Variants in CLASP1 observed in about 807,000 individuals in gnomAD.
CLASP1 encodes CLIP-associating protein 1.
CLASP1 carries 38 observed loss-of-function variants against 192.3 expected under a neutral mutation model. The ratio of observed to expected loss-of-function variants is 0.20; its 90% CI spans 0.15 to 0.26. The LOEUF (loss-of-function observed/expected upper bound fraction) is 0.26, where lower values mean the gene tolerates loss of function less well. Ranked by LOEUF, CLASP1 falls within the 10% of genes least tolerant of loss-of-function variation. The pLI is 1.00. For missense variants in CLASP1, 1,433 were observed against 1,932.5 expected, an observed-to-expected ratio of 0.74 and a Z score of 4.85; for synonymous variants, 691 against 712.8, an observed-to-expected ratio of 0.97 and a Z score of 0.49.
At chr2:121,536,378 GAAA>G (rs59632661) in intron 2 of CLASP1, among the ~76,000 whole-genome samples, 2 of 48,310 alleles carry the variant, frequency 4.1e-5, no homozygotes, top group African/African-American at 8.6e-5. Flanking sequence ...AAGACTGTCT[GAAA>G]AAAAAAAAAA....
At chr2:121,647,637 CATAA>C (rs1173067018) in intron 1 of CLASP1, among the ~76,000 whole-genome samples, 1 of 152,176 alleles carries the variant, frequency 6.6e-6, no homozygotes. Context: ...ACCTCTTTTA[CATAA>C]ATAAAGTGGA....
chr2:121,612,283 G>A (rs2065731331), intron 1 of CLASP1, among the ~76,000 whole-genome samples: 1 of 151,302 alleles, frequency 6.6e-6, no homozygotes, highest in South Asian at 2.1e-4. Context: ...GGAACTAGAG[G>A]AGGAGGAGGA....
chr2:121,405,112 C>G (rs1283998957), intron 25 of CLASP1, among the ~76,000 whole-genome samples: 1 of 152,116 alleles, frequency 6.6e-6, no homozygotes, highest in African/African-American at 2.4e-5. Context: ...AATTCAAGAC[C>G]AGCCTGGCCA....
intron 34 of CLASP1, among the ~76,000 whole-genome samples, chr2:121,368,494 T>G (rs1299004999): frequency 1.3e-5 from 2 of 152,136 alleles, no homozygotes; most frequent in Admixed American, 1.3e-4. Context: ...TTCAACAAAT[T>G]CAACCGCTGG....
At chr2:121,416,800 T>C (rs1267099743) in intron 23 of CLASP1, among the ~76,000 whole-genome samples, 1 of 152,216 alleles carries the variant, frequency 6.6e-6, no homozygotes, top group East Asian at 1.9e-4. Context: ...TTTAGCTGCA[T>C]GATCTTGAGA....
intron 7 of CLASP1, among the ~76,000 whole-genome samples, chr2:121,514,057 G>T (rs951551355): frequency 6.6e-6 from 1 of 152,212 alleles, no homozygotes; most frequent in Non-Finnish European, 1.5e-5. Context: ...CTGTAAGCAG[G>T]CCTTTCTAAG....
intron 4 of CLASP1, 146 bp from the exon 5 acceptor site, chr2:121,528,036 G>T: frequency 3.4e-6 from 2 of 587,498 alleles, no homozygotes; most frequent in South Asian, 2.2e-5. Flanking sequence ...AGAGCATACT[G>T]GAAAATGATG....
chr2:121,633,993 G>A (rs190517334), intron 1 of CLASP1, among the ~76,000 whole-genome samples: 205 of 146,810 alleles, frequency 1.4e-3, no homozygotes, highest in African/African-American at 4.4e-3. Context: ...GCGAGACTCC[G>A]TCTCAAAAAA....
At position 121,558,074 on chromosome 2, in the gene CLASP1, C is replaced by T. The variant is rs139284089; in HGVS notation, c.196-27749G>A. Among the ~76,000 whole-genome samples, 734 of 146,786 alleles carry T rather than the reference C, an allele frequency of 5.0e-3. 9 individuals are homozygous for T. Among genetic ancestry groups the T allele is most frequent in the African/African-American group, 0.018 (712 of 39,810 alleles). On this transcript the variant is annotated intron_variant, in intron 2 of 39. Transcript: ENST00000263710. ...CAGCCTGGGTGACAGAGTGAGACTCCGTCTCAAAAAGAAAAAAAAAAAAAA... is the reference window on the plus strand; with the variant it reads ...CAGCCTGGGTGACAGAGTGAGACTCTGTCTCAAAAAGAAAAAAAAAAAAAA...
intron 7 of CLASP1, among the ~76,000 whole-genome samples, chr2:121,512,442 A>G (rs2094165992): frequency 6.6e-6 from 1 of 152,242 alleles, no homozygotes; most frequent in African/African-American, 2.4e-5. Flanking sequence ...TTATTTTCTG[A>G]ACATATATAC....
At chr2:121,347,050 G>T (rs1486663373) in exon 39 of CLASP1, 1 of 1,569,698 alleles carries the variant, frequency 6.4e-7, no homozygotes, top group Non-Finnish European at 8.7e-7. Context: ...TGCTCCCTGT[G>T]AGCTGTGCAA....
chr2:121,409,130 A>G lies in CLASP1; in HGVS notation c.2425-1415T>C, dbSNP rs1037161359. ...CATATGTAGGGATTGTTCTTGCAAC[A>G]AAAGTGTACAGCAAAACATATCTTA... On this transcript the variant is annotated intron_variant, in intron 24 of 39. Transcript: ENST00000263710. 41 of 1,148,914 alleles carry G rather than the reference A, an allele frequency of 3.6e-5. No individual in the cohort carries two copies. In the African/African-American group the frequency reaches 5.8e-4, roughly 16 times the overall value. 71.2% of individuals were successfully genotyped at this position (1,148,914 alleles called of 1,614,324 possible).
intron 8 of CLASP1, among the ~76,000 whole-genome samples, chr2:121,473,233 A>G (rs922769847): frequency 2.6e-5 from 4 of 152,216 alleles, no homozygotes; most frequent in Admixed American, 1.3e-4. Context: ...TAAAATACAT[A>G]GACATTCATA....
intron 33 of CLASP1, among the ~76,000 whole-genome samples, chr2:121,381,849 C>T (rs568268015): frequency 8.5e-5 from 13 of 152,194 alleles, no homozygotes; most frequent in African/African-American, 1.9e-4. Flanking sequence ...GCACTTTAGA[C>T]GCATGCTAAG....
chr2:121,424,544 G>C (rs943683965), intron 22 of CLASP1, among the ~76,000 whole-genome samples: 1 of 152,110 alleles, frequency 6.6e-6, no homozygotes, highest in African/African-American at 2.4e-5. Context: ...TGGAACAAAA[G>C]GTATTTAAGC....
chr2:121,566,919 A>T (rs550707752), intron 2 of CLASP1, among the ~76,000 whole-genome samples: 2 of 152,288 alleles, frequency 1.3e-5, no homozygotes, highest in African/African-American at 4.8e-5. Flanking sequence ...GAGCCTGCTT[A>T]AAAAACAGCT....
In CLASP1 at chr2:121,555,081, G is replaced by A. The variant is rs1429815801; in HGVS notation, c.196-24756C>T. On this transcript the variant is annotated intron_variant, in intron 2 of 39. Transcript: ENST00000263710. ...GAGAGTTGTGGGTGGAAAGCAACAC[G>A]GTCTGTGCAGACCCAGAGTCCTAAT... 5.3e-5 allele frequency among the ~76,000 whole-genome samples: 8 copies of A among 152,170 alleles called. 1 individual carries two copies. The South Asian group carries it at 1.0e-3, about 20-fold the overall frequency.
chr2:121,412,037 T>C (rs1347582373), intron 23 of CLASP1, among the ~76,000 whole-genome samples: 1 of 152,214 alleles, frequency 6.6e-6, no homozygotes, highest in Non-Finnish European at 1.5e-5. Flanking sequence ...GAAGCTAATA[T>C]CTATTTTACA....
At chr2:121,512,984 A>C (rs1307447189) in intron 7 of CLASP1, 1 of 152,222 alleles carries the variant, frequency 6.6e-6, no homozygotes, top group African/African-American at 2.4e-5. Context: ...TATGCTCACA[A>C]AATTACTAAA....
Sources: allele counts gnomAD v4.1 joint callset (sites outside exome capture counted in the v4.1 genomes callset), GRCh38; gene constraint gnomAD v4.1.1; transcripts MANE v1.5; gene names NCBI Gene and HGNC (gene_info 2026-07-23, HGNC 2026-07-21).